Variants in ST18 observed in about 807,000 individuals in gnomAD.
ST18 encodes suppression of tumorigenicity 18 protein.
In ST18, 50 loss-of-function variants were observed where a neutral mutation model predicts 110.0. The observed-to-expected ratio is 0.45, with a 90% CI of 0.36 to 0.58. The LOEUF (loss-of-function observed/expected upper bound fraction) is 0.58, where lower values mean the gene tolerates loss of function less well. ST18 is among the 20% of genes least tolerant of loss of function. The pLI is 0.00. For missense variants in ST18, 1,306 were observed against 1,280.1 expected, an observed-to-expected ratio of 1.02 and a Z score of -0.31; for synonymous variants, 461 against 452.4, an observed-to-expected ratio of 1.02 and a Z score of -0.24.
chr8:52,224,126 T>C (rs1016533701), intron 3 of ST18, among the ~76,000 whole-genome samples: 3 of 152,218 alleles, frequency 2.0e-5, no homozygotes, highest in Non-Finnish European at 4.4e-5. Flanking sequence ...CCTGACTCAG[T>C]TTTTTGAATG....
At chr8:52,394,962 A>G (rs565130604) in intron 2 of ST18, among the ~76,000 whole-genome samples, 1 of 152,346 alleles carries the variant, frequency 6.6e-6, no homozygotes, top group Non-Finnish European at 1.5e-5. Flanking sequence ...GATTCAAGAC[A>G]CGAAAGTGGA....
intron 3 of ST18, among the ~76,000 whole-genome samples, chr8:52,229,062 C>T (rs1010123417): frequency 1.3e-5 from 2 of 152,152 alleles, no homozygotes; most frequent in African/African-American, 4.8e-5. Context: ...TTTGGATCAA[C>T]AAAATCAATA....
intron 2 of ST18, among the ~76,000 whole-genome samples, chr8:52,275,716 G>A (rs945987640): frequency 2.0e-5 from 3 of 152,032 alleles, no homozygotes; most frequent in Non-Finnish European, 2.9e-5. Flanking sequence ...TTGTGAAGCC[G>A]ATAAAACCTG....
At chr8:52,183,895 T>C (rs747094267) in intron 8 of ST18, among the ~76,000 whole-genome samples, 2 of 152,244 alleles carry the variant, frequency 1.3e-5, no homozygotes, top group Non-Finnish European at 2.9e-5. Flanking sequence ...TCACATTCTG[T>C]GCATTTCTCC....
At chr8:52,159,542 C>A (rs1324942281) in intron 14 of ST18, among the ~76,000 whole-genome samples, 1 of 152,088 alleles carries the variant, frequency 6.6e-6, no homozygotes, top group Admixed American at 6.5e-5. Context: ...AAAAATGTGT[C>A]CTTTCAATAT....
intron 13 of ST18, 64 bp from the exon 14 acceptor site, chr8:52,161,632 T>C: frequency 6.4e-7 from 1 of 1,560,910 alleles, no homozygotes; most frequent in Non-Finnish European, 8.7e-7. Flanking sequence ...CACATTAGTG[T>C]CAGAATTTAC....
chr8:52,360,447 C>A (rs570422489), intron 2 of ST18, among the ~76,000 whole-genome samples: 94 of 152,150 alleles, frequency 6.2e-4, no homozygotes, highest in Non-Finnish European at 1.2e-3. Flanking sequence ...CATCTTTTCA[C>A]ATTTCAGCTT....
At chr8:52,135,910 G>T (rs2052025709) in intron 19 of ST18, among the ~76,000 whole-genome samples, 2 of 152,052 alleles carry the variant, frequency 1.3e-5, no homozygotes, top group Admixed American at 1.3e-4. Flanking sequence ...TTTATTATTT[G>T]TAAAAAGATG....
At chr8:52,215,007 G>A (rs772466844) in intron 6 of ST18, among the ~76,000 whole-genome samples, 13 of 152,168 alleles carry the variant, frequency 8.5e-5, no homozygotes, top group South Asian at 2.1e-4. Context: ...ACTAGAATCC[G>A]CGAATCATCT....
At chr8:52,374,999 C>A (rs1363968506) in intron 2 of ST18, among the ~76,000 whole-genome samples, 1 of 152,136 alleles carries the variant, frequency 6.6e-6, no homozygotes, top group African/African-American at 2.4e-5. Context: ...ACAGATATTT[C>A]CTCCTCATGT....
At chr8:52,223,211 C>G (rs2087660449) in intron 3 of ST18, among the ~76,000 whole-genome samples, 1 of 152,100 alleles carries the variant, frequency 6.6e-6, no homozygotes. Flanking sequence ...ACCTGTGCTA[C>G]AAGGTAATGA....
At chr8:52,117,456 A>G (rs1394842467) in intron 24 of ST18, among the ~76,000 whole-genome samples, 1 of 152,122 alleles carries the variant, frequency 6.6e-6, no homozygotes, top group African/African-American at 2.4e-5. Flanking sequence ...CTCCTTCTAG[A>G]CTATAAGTCT....
At chr8:52,133,915 G>A (rs145355002) in intron 19 of ST18, among the ~76,000 whole-genome samples, 138 of 152,040 alleles carry the variant, frequency 9.1e-4, no homozygotes, top group African/African-American at 3.2e-3. Context: ...ATTTTTAGTA[G>A]AGACAGGGTT....
intron 9 of ST18, among the ~76,000 whole-genome samples, chr8:52,176,424 C>T (rs973052739): frequency 2.4e-4 from 37 of 152,160 alleles, no homozygotes; most frequent in African/African-American, 8.7e-4. Context: ...CCTCAACTTT[C>T]TTAACAACAA....
chr8:52,360,775 T>C (rs1169213601), intron 2 of ST18, among the ~76,000 whole-genome samples: 1 of 152,168 alleles, frequency 6.6e-6, no homozygotes, highest in Non-Finnish European at 1.5e-5. Context: ...ATGTAATTGT[T>C]GGGGAGTTAT....
intron 2 of ST18, among the ~76,000 whole-genome samples, chr8:52,354,160 G>A (rs1821639538): frequency 6.6e-6 from 1 of 152,206 alleles, no homozygotes; most frequent in Non-Finnish European, 1.5e-5. Flanking sequence ...AAGGTCTTTT[G>A]CTTTTACTGA....
In ST18 at chr8:52,161,389, G is replaced by C; in HGVS notation, c.1580C>G (p.Pro527Arg). The C allele has an allele frequency of 6.2e-7, 1 of 1,613,680 alleles. No individual in the cohort carries two copies. The highest frequency in any genetic ancestry group is 8.5e-7 in the Non-Finnish European group (1 of 1,179,768). The change falls in exon 14 of 26, where the codon CCA becomes CGA. Residue 527 changes from proline to arginine, a missense_variant. Pro to Arg is a moderately radical substitution (Grantham distance 103). Transcript: ENST00000689386. ...LIQTVQGRKT[P>R]PFPESKHFPN... is the part of the protein sequence containing the mutation. ...TCAAAGCTTACATTCAGGAAATGGT[G>C]GTGTTTTTCGTCCTTGCACTGTTTG...
rs555902788 is a variant in ST18 at position 52,166,981 on chromosome 8, G to A, written c.1075C>T (p.Pro359Ser). 1.9e-6 allele frequency: 3 copies of A among 1,606,324 alleles called. No individual in the cohort carries two copies. In the South Asian group the frequency reaches 3.3e-5, roughly 18 times the overall value. Residue 359 changes from proline to serine, a missense_variant, in exon 11 of 26, where the codon CCA (proline) becomes TCA (serine). By Grantham distance (74) the Pro-to-Ser change is moderately conservative. Coordinates refer to ENST00000689386, the MANE Select transcript of ST18 (RefSeq NM_001352837.2). ...GRQIFNNKHS[P>S]RPEKRETKCP... is the part of the protein sequence containing the mutation. ...TTGGTCTCCCTCTTTTCAGGCCTTG[G>A]TGAATCTATGGAGAAATTCAATTGA...
chr8:52,356,947 G>C lies in ST18; in HGVS notation c.-465+52381C>G, dbSNP rs141702005. On this transcript the variant is annotated intron_variant, in intron 2 of 25. Coordinates refer to ENST00000689386, the MANE Select transcript of ST18 (RefSeq NM_001352837.2). Reference sequence around the variant, plus strand: ...TGAGATTATTCAGTTTGGAAGATCAGGAAAAATAACTAATGGGTATTAGGC... The same window carrying C: ...TGAGATTATTCAGTTTGGAAGATCACGAAAAATAACTAATGGGTATTAGGC... Among the ~76,000 whole-genome samples, 1,171 of 152,160 alleles carry C rather than the reference G, an allele frequency of 7.7e-3. 16 individuals are homozygous for C. Among genetic ancestry groups the C allele is most frequent in the African/African-American group, 0.027 (1,113 of 41,546 alleles).
Sources: gnomAD v4.1 joint callset for allele counts (sites outside exome capture counted in the v4.1 genomes callset) on GRCh38, gnomAD v4.1.1 for gene constraint, MANE v1.5 for transcripts, NCBI Gene and HGNC (gene_info 2026-07-23, HGNC 2026-07-21) for gene names.